COL28A1: variants seen among roughly 807,000 people sequenced by gnomAD.
COL28A1 encodes collagen alpha-1(XXVIII) chain.
COL28A1 carries 161 observed loss-of-function variants against 150.2 expected under a neutral mutation model. The ratio of observed to expected loss-of-function variants is 1.07; its 90% CI spans 0.94 to 1.22. The LOEUF (loss-of-function observed/expected upper bound fraction) is 1.22. Among genes scored for constraint, COL28A1 ranks in the 50% most tolerant of loss-of-function variants. The pLI is 0.00. For synonymous variants in COL28A1, 552 were observed against 469.7 expected (o/e 1.18, Z -2.26); for missense variants, 1,617 against 1,388.3 (o/e 1.16, Z -2.62).
chr7:7,406,712 A>G (rs73347194), intron 27 of COL28A1, among the ~76,000 whole-genome samples: 24,561 of 152,024 alleles, frequency 0.16, 2,032 homozygotes, highest in East Asian at 0.22. Context: ...ACAATAATGC[A>G]AAGGCTCAAA....
intron 33 of COL28A1, among the ~76,000 whole-genome samples, chr7:7,362,117 C>T (rs967491840): frequency 5.3e-5 from 8 of 152,216 alleles, no homozygotes; most frequent in East Asian, 1.9e-4. Context: ...CACCATGGCA[C>T]GTGTATACCT....
At chr7:7,445,575 C>A (rs1786191050) in intron 18 of COL28A1, among the ~76,000 whole-genome samples, 1 of 152,138 alleles carries the variant, frequency 6.6e-6, no homozygotes, top group Non-Finnish European at 1.5e-5. Flanking sequence ...ACTTCCAGCT[C>A]TAATATTCAG....
chr7:7,524,372 T>C (rs1781906244), intron 3 of COL28A1, 123 bp from the exon 4 acceptor site: 2 of 688,354 alleles, frequency 2.9e-6, no homozygotes, highest in Non-Finnish European at 5.0e-6. Flanking sequence ...TCAGCCTTTT[T>C]AAACTTGTAA....
intron 15 of COL28A1, among the ~76,000 whole-genome samples, chr7:7,463,653 C>T (rs1397241531): frequency 2.0e-5 from 3 of 152,300 alleles, no homozygotes; most frequent in East Asian, 1.9e-4. Flanking sequence ...CCCAGCACTA[C>T]AAGAACTGCC....
chr7:7,343,454 C>T, the COL28A1 span, among the ~76,000 whole-genome samples: 9 of 151,810 alleles, frequency 5.9e-5, no homozygotes, highest in Admixed American at 5.9e-4. Flanking sequence ...AATGATTTTC[C>T]AGTTTTCTCT....
At chr7:7,444,284 T>G in intron 19 of COL28A1, 134 bp downstream of exon 19, 3 of 1,201,532 alleles carry the variant, frequency 2.5e-6, no homozygotes, top group Non-Finnish European at 3.5e-6. Flanking sequence ...GAAAGGGACA[T>G]TTGGGATTGT....
chr7:7,408,301 T>G (rs1430427776), intron 27 of COL28A1, among the ~76,000 whole-genome samples: 1 of 152,132 alleles, frequency 6.6e-6, no homozygotes, highest in African/African-American at 2.4e-5. Flanking sequence ...TACTCAAACC[T>G]TCATTATCTT....
At chr7:7,511,619 TCAAGAACAC>T in intron 8 of COL28A1, 1 of 322,558 alleles carries the variant, frequency 3.1e-6, no homozygotes. Context: ...TCCTATTTTT[TCAAGAACAC>T]CATGCTTCAG....
At chr7:7,449,136 A>G (rs1399088397) in intron 18 of COL28A1, among the ~76,000 whole-genome samples, 1 of 152,124 alleles carries the variant, frequency 6.6e-6, no homozygotes, top group Non-Finnish European at 1.5e-5. Context: ...CAGATAATAC[A>G]GTTATTAAAA....
At chr7:7,496,766 C>T (rs1780231122) in intron 11 of COL28A1, among the ~76,000 whole-genome samples, 1 of 152,162 alleles carries the variant, frequency 6.6e-6, no homozygotes, top group Non-Finnish European at 1.5e-5. Flanking sequence ...ACAATTTTAT[C>T]ATATTTTCTT....
chr7:7,353,994 G>A (rs1012910498), downstream of COL28A1, among the ~76,000 whole-genome samples: 6 of 151,646 alleles, frequency 4.0e-5, no homozygotes, highest in Admixed American at 2.0e-4. Context: ...ATTTTCATGC[G>A]GAGGACAACT....
rs537822042 is a variant in COL28A1 at position 7,400,094 on chromosome 7, A to G, written c.2136+17765T>C. 5.3e-5 allele frequency among the ~76,000 whole-genome samples: 8 copies of G among 152,340 alleles called. No individual in the cohort carries two copies. The South Asian group carries it at 1.7e-3, about 32-fold the overall frequency. Reference sequence around the variant, plus strand: ...TTTATCAGTTCATTAACAGACAAGAATGGACCCAGAAGCAGTGAAAGGGCA... The same window carrying G: ...TTTATCAGTTCATTAACAGACAAGAGTGGACCCAGAAGCAGTGAAAGGGCA... On this transcript the variant is annotated intron_variant, in intron 27 of 34. Transcript: ENST00000399429.
intron 27 of COL28A1, among the ~76,000 whole-genome samples, chr7:7,407,663 G>C (rs1783560943): frequency 6.6e-6 from 1 of 151,982 alleles, no homozygotes; most frequent in African/African-American, 2.4e-5. Context: ...TGCTCTAGTA[G>C]ACTTTTACCA....
At chr7:7,380,305 C>T (rs377283236) in intron 30 of COL28A1, among the ~76,000 whole-genome samples, 1 of 152,132 alleles carries the variant, frequency 6.6e-6, no homozygotes, top group African/African-American at 2.4e-5. Flanking sequence ...AAAAAGAGTC[C>T]TCATTCTAAA....
At chr7:7,533,421 G>T (rs1782478797) in intron 1 of COL28A1, among the ~76,000 whole-genome samples, 1 of 152,024 alleles carries the variant, frequency 6.6e-6, no homozygotes, top group African/African-American at 2.4e-5. Context: ...TGAGTTCAGA[G>T]GTCAAGGTAA....
At chr7:7,394,545 C>T (rs1467273782) in intron 27 of COL28A1, among the ~76,000 whole-genome samples, 3 of 152,126 alleles carry the variant, frequency 2.0e-5, no homozygotes, top group Non-Finnish European at 4.4e-5. Context: ...TTTTCTGCTG[C>T]AGTTGCTGAG....
chr7:7,418,154 T>C (rs1462120841), intron 26 of COL28A1, among the ~76,000 whole-genome samples: 1 of 152,224 alleles, frequency 6.6e-6, no homozygotes, highest in Non-Finnish European at 1.5e-5. Context: ...AATTAAGCAG[T>C]AAGCAGAGCC....
At chr7:7,440,237 C>T (rs1562653963) in intron 21 of COL28A1, among the ~76,000 whole-genome samples, 2 of 152,124 alleles carry the variant, frequency 1.3e-5, no homozygotes, top group South Asian at 4.1e-4. Context: ...CTGAATAATT[C>T]GATGTATTCA....
At chr7:7,423,414 T>C (rs1332914980) in intron 25 of COL28A1, among the ~76,000 whole-genome samples, 1 of 152,218 alleles carries the variant, frequency 6.6e-6, no homozygotes, top group Non-Finnish European at 1.5e-5. Context: ...TGAGATAGTG[T>C]TGCTGTAATA....
Sources: allele counts gnomAD v4.1 joint callset (sites outside exome capture counted in the v4.1 genomes callset), GRCh38; gene constraint gnomAD v4.1.1; transcripts MANE v1.5; gene names NCBI Gene and HGNC (gene_info 2026-07-23, HGNC 2026-07-21).